ITGA9: variants seen among roughly 807,000 people sequenced by gnomAD.
The protein encoded by ITGA9 is integrin subunit alpha 9, also known as integrin alpha-9.
Under a neutral mutation model 127.8 loss-of-function variants are expected in ITGA9, and 56 were observed. The observed-to-expected ratio is 0.44, with a 90% CI of 0.35 to 0.55. The LOEUF (loss-of-function observed/expected upper bound fraction) is 0.55, where lower values mean the gene tolerates loss of function less well. Among genes scored for constraint, ITGA9 ranks in the 20% least tolerant of loss-of-function variants. The pLI is 0.00. For missense variants in ITGA9, 1,196 were observed against 1,347.1 expected (o/e 0.89, Z 1.76); for synonymous variants, 508 against 514.5 (o/e 0.99, Z 0.17).
chr3:37,678,552 T>A (rs1016159286), intron 17 of ITGA9, among the ~76,000 whole-genome samples: 3 of 152,204 alleles, frequency 2.0e-5, no homozygotes, highest in Non-Finnish European at 4.4e-5. Context: ...AATGATGGTG[T>A]AATGAGAATT....
rs567656788 is a variant in ITGA9, at chr3:37,776,909, G to A, written c.2542-483G>A. 3.1e-4 allele frequency among the ~76,000 whole-genome samples: 47 copies of A among 152,252 alleles called. No homozygotes were observed. In the South Asian group the frequency reaches 9.1e-3, roughly 30 times the overall value. ...GACCCCTAAGGAGTTTTACAGCACC[G>A]TGGGGGCTTTCTAGAATGGTTGAAA... is the stretch of plus-strand genomic sequence containing the variant. On this transcript the variant is annotated intron_variant, in intron 23 of 27. Transcript: ENST00000264741.
At chr3:37,750,906 A>G (rs1337747636) in intron 23 of ITGA9, among the ~76,000 whole-genome samples, 1 of 152,272 alleles carries the variant, frequency 6.6e-6, no homozygotes, top group Non-Finnish European at 1.5e-5. Context: ...TTGCACAGGG[A>G]AAGTGCCTGC....
chr3:37,585,137 G>A (rs1325479416), intron 15 of ITGA9, among the ~76,000 whole-genome samples: 2 of 152,236 alleles, frequency 1.3e-5, no homozygotes, highest in East Asian at 3.9e-4. Context: ...GGCATTAATG[G>A]CTCCCTGCTT....
intron 11 of ITGA9, among the ~76,000 whole-genome samples, chr3:37,521,946 G>A (rs147786987): frequency 6.8e-4 from 103 of 152,210 alleles, no homozygotes; most frequent in African/African-American, 2.3e-3. Context: ...ATGGCTTAAC[G>A]GAGGATGGCA....
At chr3:37,555,157 A>C (rs1699418230) in intron 15 of ITGA9, among the ~76,000 whole-genome samples, 1 of 152,208 alleles carries the variant, frequency 6.6e-6, no homozygotes, top group Non-Finnish European at 1.5e-5. Context: ...TGGGACATGC[A>C]AAGGGGCTCT....
Position 37,629,649 on chromosome 3 carries a change from A to G in ITGA9, c.1839+313A>G, listed in dbSNP as rs1700211049. The G allele has an allele frequency of 1.7e-6, 1 of 589,612 alleles. No individual in the cohort carries two copies. The highest frequency in any genetic ancestry group is 3.0e-6 in the Non-Finnish European group (1 of 331,494). The allele number at this position is 589,612 out of a possible 1,614,324, so 36.5% of individuals were successfully genotyped here. On this transcript the variant is annotated intron_variant, in intron 16 of 27. Transcript: ENST00000264741. This position sits in a 1 kb window ranked among gnomAD's most constrained non-coding sequence, Gnocchi z 4.5. ...TTGCCTCTGTTCCTAGACTGTTTTCAGAGCTTAGATTGGTGGATAGTAGGT... is the reference window on the plus strand; with the variant it reads ...TTGCCTCTGTTCCTAGACTGTTTTCGGAGCTTAGATTGGTGGATAGTAGGT...
chr3:37,769,329 ACT>A (rs1203546605), intron 23 of ITGA9, among the ~76,000 whole-genome samples: 6 of 128,850 alleles, frequency 4.7e-5, no homozygotes, highest in African/African-American at 1.6e-4. Context: ...TAAGAGCAAA[ACT>A]CTGTCTCAAA....
chr3:37,489,901 A>G (rs1698650636), intron 4 of ITGA9, among the ~76,000 whole-genome samples: 1 of 152,210 alleles, frequency 6.6e-6, no homozygotes, highest in African/African-American at 2.4e-5. Flanking sequence ...TGGATGGAGT[A>G]ATGGTGAGAG....
At chr3:37,745,151 T>C (rs569606977) in intron 22 of ITGA9, among the ~76,000 whole-genome samples, 1 of 152,308 alleles carries the variant, frequency 6.6e-6, no homozygotes, top group East Asian at 1.9e-4. Flanking sequence ...GGATGACAAA[T>C]AATGACAGGG....
chr3:37,780,519 GGT>G lies in ITGA9; in HGVS notation c.2787+513_2787+514del, dbSNP rs532347534. Among the ~76,000 whole-genome samples, 83 of 47,564 alleles carry G rather than the reference GGT, an allele frequency of 1.7e-3. 1 individual carries two copies. Among genetic ancestry groups the G allele is most frequent in the Non-Finnish European group, 2.5e-3 (66 of 26,482 alleles). 31.2% of individuals were successfully genotyped at this position (47,564 alleles called of 152,430 possible). ...TTTTTATGGCTGAGTAATATTCCAT[GGT>G]GTGTGTGTGTGTGTATATATATATA... On this transcript the variant is annotated intron_variant, in intron 25 of 27. Transcript: ENST00000264741.
intron 15 of ITGA9, among the ~76,000 whole-genome samples, chr3:37,547,944 A>G (rs1036724123): frequency 6.6e-6 from 1 of 152,204 alleles, no homozygotes; most frequent in Non-Finnish European, 1.5e-5. Flanking sequence ...AAGCTTGTCA[A>G]TAAATATAGA....
chr3:37,619,769 A>C (rs1700110292), intron 15 of ITGA9, among the ~76,000 whole-genome samples: 1 of 152,176 alleles, frequency 6.6e-6, no homozygotes, highest in African/African-American at 2.4e-5. Context: ...CCAGGCTCTC[A>C]TGGCCGTTGC....
In ITGA9 at chr3:37,799,469, C is replaced by A. The variant is rs1177862814; in HGVS notation, c.2890-4354C>A. Among the ~76,000 whole-genome samples, 19 of 152,142 alleles carry A rather than the reference C, an allele frequency of 1.2e-4. 1 individual carries two copies. Among genetic ancestry groups the A allele is most frequent in the Admixed American group, 1.2e-3 (19 of 15,276 alleles). ...AAGGATGGAAGGGCATTTCAGGAGG[C>A]AAGAGCAGCCTGCAGAGAGGCTGGG... On this transcript the variant is annotated intron_variant, in intron 26 of 27. Coordinates refer to ENST00000264741, the MANE Select transcript of ITGA9 (RefSeq NM_002207.3). This position sits in a 1 kb window ranked among gnomAD's most constrained non-coding sequence, Gnocchi z 4.0.
At chr3:37,560,327 G>T (rs200391226) in intron 15 of ITGA9, among the ~76,000 whole-genome samples, 1 of 152,052 alleles carries the variant, frequency 6.6e-6, no homozygotes, top group Non-Finnish European at 1.5e-5. Context: ...TATATGTCCC[G>T]CATTTTCTTA....
chr3:37,712,371 C>G (rs1701088661), intron 18 of ITGA9, among the ~76,000 whole-genome samples: 1 of 152,214 alleles, frequency 6.6e-6, no homozygotes, highest in Non-Finnish European at 1.5e-5. Flanking sequence ...CTTAGGGAAC[C>G]AGGCCTCAGA....
chr3:37,633,380 C>T (rs987268902), intron 16 of ITGA9, among the ~76,000 whole-genome samples: 1 of 152,110 alleles, frequency 6.6e-6, no homozygotes, highest in Non-Finnish European at 1.5e-5. Flanking sequence ...TTTAATACAC[C>T]TAACCTGCTG....
chr3:37,571,311 G>A (rs1699599890), intron 15 of ITGA9, among the ~76,000 whole-genome samples: 1 of 151,008 alleles, frequency 6.6e-6, no homozygotes, highest in Non-Finnish European at 1.5e-5. Flanking sequence ...CACCCATGCT[G>A]CCCATGGTTT....
Position 37,762,472 on chromosome 3 carries a change from A to G in ITGA9, c.2541+11903A>G, listed in dbSNP as rs77686488. Among the ~76,000 whole-genome samples the G allele has an allele frequency of 8.2e-3, 1,248 of 152,308 alleles. 14 individuals are homozygous for G. The highest frequency in any genetic ancestry group is 0.031 in the Middle Eastern group (9 of 294). ...AGGAGGCTTGGCTAGCAAAGGTGGC[A>G]TTGTTATGTAGATGAAGCCTTCCAG... On this transcript the variant is annotated intron_variant, in intron 23 of 27. Transcript: ENST00000264741.
At chr3:37,471,684 G>A (rs1292116082) in intron 2 of ITGA9, among the ~76,000 whole-genome samples, 3 of 152,230 alleles carry the variant, frequency 2.0e-5, no homozygotes, top group Non-Finnish European at 4.4e-5. Flanking sequence ...CTGTGTGTGA[G>A]TGGGGAGGCC....
Sources: gnomAD v4.1 joint callset for allele counts (sites outside exome capture counted in the v4.1 genomes callset) on GRCh38, gnomAD v4.1.1 for gene constraint, Gnocchi (gnomAD v3.1) non-coding constraint, MANE v1.5 for transcripts, NCBI Gene and HGNC (gene_info 2026-07-23, HGNC 2026-07-21) for gene names.